The following SP140L variants were observed in gnomAD, a reference collection of about 807,000 sequenced individuals.
The protein encoded by SP140L is nuclear body protein SP140-like protein.
SP140L carries 64 observed loss-of-function variants against 84.3 expected under a neutral mutation model. The observed-to-expected ratio is 0.76, with a 90% CI of 0.62 to 0.94. The LOEUF is 0.94. Ranked by LOEUF, SP140L falls within the 40% of genes least tolerant of loss-of-function variation. The pLI is 0.00. For missense variants in SP140L, 628 were observed against 692.5 expected (o/e 0.91, Z 1.05); for synonymous variants, 242 against 236.9 (o/e 1.02, Z -0.20).
At chr2:230,329,381 T>C (rs1324063637) in intron 2 of SP140L, among the ~76,000 whole-genome samples, 3 of 152,260 alleles carry the variant, frequency 2.0e-5, no homozygotes, top group Admixed American at 6.5e-5. Context: ...TTCAGTTTTT[T>C]ACTTTGAGTT....
rs1258766276 is a variant in SP140L, at chr2:230,401,397, G to A, written c.1454G>A (p.Cys485Tyr). Residue 485 changes from cysteine (C) to tyrosine (Y), a missense_variant, in exon 17 of 19, where the codon TGC becomes TAC. Cys to Tyr is a radical substitution (Grantham distance 194). Coordinates refer to ENST00000415673, the MANE Select transcript of SP140L (RefSeq NM_138402.6). ...GAGTTCCTCCTCTTGAAAGTCTATT[G>A]CTGTTCTGAGAGCTCCTTTTTTGCC... ...KCEFLLLKVY[C>Y]CSESSFFAKI... The A allele has an allele frequency of 6.3e-7, 1 of 1,583,122 alleles. No individual in the cohort carries two copies. The highest frequency in any genetic ancestry group is 1.1e-5 in the South Asian group (1 of 88,566).
intron 1 of SP140L, among the ~76,000 whole-genome samples, chr2:230,328,307 A>C (rs2059635472): frequency 6.6e-6 from 1 of 152,242 alleles, no homozygotes; most frequent in Admixed American, 6.5e-5. Context: ...TCTTGTGAAG[A>C]GTCTTCGGCA....
chr2:230,400,724 C>T lies in SP140L; in HGVS notation c.1314-231C>T, dbSNP rs2062291453. ...TCAGACAGGGAAAGGATAGTCCCCACTCACGGTGACACCACCTTCCTGAGG... is the reference window on the plus strand; with the variant it reads ...TCAGACAGGGAAAGGATAGTCCCCATTCACGGTGACACCACCTTCCTGAGG... On this transcript the variant is annotated intron_variant, in intron 15 of 18. Transcript: ENST00000415673. The T allele has an allele frequency of 5.2e-6, 5 of 957,692 alleles. No homozygotes were observed. In the South Asian group the frequency reaches 6.7e-5, roughly 13 times the overall value. 59.3% of individuals were successfully genotyped at this position (957,692 alleles called of 1,614,324 possible).
intron 5 of SP140L, among the ~76,000 whole-genome samples, chr2:230,364,480 T>C (rs955063830): frequency 2.0e-5 from 3 of 152,148 alleles, no homozygotes; most frequent in African/African-American, 7.2e-5. Context: ...CAACAGATTT[T>C]TTATGTTGAT....
At chr2:230,399,869 C>G in intron 14 of SP140L, 1 of 336,794 alleles carries the variant, frequency 3.0e-6, no homozygotes, top group East Asian at 4.9e-5. Context: ...TGCTTTGTTG[C>G]TAGGCTTTCT....
chr2:230,371,006 T>C, intron 6 of SP140L, 39 bp downstream of exon 6: 1 of 1,584,862 alleles, frequency 6.3e-7, no homozygotes, highest in Non-Finnish European at 8.7e-7. Flanking sequence ...GGTGGCTCAG[T>C]GGGCCCCACA....
chr2:230,343,310 AC>A (rs2060115469), intron 2 of SP140L, among the ~76,000 whole-genome samples: 1 of 147,516 alleles, frequency 6.8e-6, no homozygotes, highest in Non-Finnish European at 1.5e-5. Flanking sequence ...TTCCGCTCCC[AC>A]TTATAAGTTA....
intron 6 of SP140L, among the ~76,000 whole-genome samples, 164 bp downstream of exon 6, chr2:230,371,131 T>C (rs187570328): frequency 7.2e-5 from 11 of 152,332 alleles, no homozygotes; most frequent in Non-Finnish European, 1.5e-4. Flanking sequence ...TTATAAAGTT[T>C]TACTTATCAA....
intron 2 of SP140L, among the ~76,000 whole-genome samples, chr2:230,352,060 A>G (rs1308086745): frequency 3.9e-5 from 6 of 152,166 alleles, no homozygotes; most frequent in East Asian, 1.9e-4. Flanking sequence ...AGCATTTTAT[A>G]TATCTCCATT....
At chr2:230,347,356 C>G (rs924921088) in intron 2 of SP140L, among the ~76,000 whole-genome samples, 2 of 152,034 alleles carry the variant, frequency 1.3e-5, no homozygotes, top group Admixed American at 1.3e-4. Flanking sequence ...GGGTTCTCTT[C>G]CAGAGTAGAA....
chr2:230,400,080 C>T, intron 14 of SP140L, 47 bp from the exon 15 acceptor site: 1 of 1,607,930 alleles, frequency 6.2e-7, no homozygotes, highest in African/African-American at 1.3e-5. Flanking sequence ...GGTGGCCTTC[C>T]TGAATCTTGT....
chr2:230,327,196 C>A lies in SP140L; in HGVS notation c.-74C>A. ...CCTGCTCCGGGTCAGGGCAGCCACACTGCACGCAGGCTGGGCCGACTGGGG... is the reference window on the plus strand; with the variant it reads ...CCTGCTCCGGGTCAGGGCAGCCACAATGCACGCAGGCTGGGCCGACTGGGG... On this transcript the variant is annotated 5_prime_UTR_variant, in exon 1 of 19. The change creates a new upstream start codon in the 5' untranslated region. Coordinates refer to ENST00000415673, the MANE Select transcript of SP140L (RefSeq NM_138402.6). The A allele has an allele frequency of 6.5e-7, 1 of 1,527,944 alleles. No homozygotes were observed. The highest frequency in any genetic ancestry group is 8.9e-7 in the Non-Finnish European group (1 of 1,122,196). 94.6% of individuals were successfully genotyped at this position (1,527,944 alleles called of 1,614,324 possible).
intron 18 of SP140L, among the ~76,000 whole-genome samples, chr2:230,402,174 A>T (rs911600603): frequency 2.0e-5 from 3 of 152,190 alleles, no homozygotes; most frequent in Admixed American, 6.5e-5. Flanking sequence ...CAAACTCCAG[A>T]TTCTTTGCAT....
Position 230,333,768 on chromosome 2 carries a change from T to C in SP140L, c.107+4937T>C, listed in dbSNP as rs1485723560. The stretch of plus-strand genomic sequence containing the variant: ...TCTAGAGATTTTTTGTTTTTTTTTC[T>C]TGACAATCTTGTATGTCTTCTTCTT... On this transcript the variant is annotated intron_variant, in intron 2 of 18. Coordinates refer to ENST00000415673, the MANE Select transcript of SP140L (RefSeq NM_138402.6). Among the ~76,000 whole-genome samples the C allele has an allele frequency of 2.6e-5, 4 of 152,238 alleles. No individual in the cohort carries two copies. The East Asian group carries it at 7.7e-4, about 29-fold the overall frequency.
At chr2:230,352,771 G>T (rs1054459654) in intron 2 of SP140L, among the ~76,000 whole-genome samples, 1 of 151,272 alleles carries the variant, frequency 6.6e-6, no homozygotes, top group Non-Finnish European at 1.5e-5. Context: ...ATAGCCTATC[G>T]CATTAGCTAA....
rs1434527614 is a variant in SP140L, at chr2:230,402,827, A to G, written c.1674A>G (p.Arg558=). 6.2e-7 allele frequency: 1 copy of G among 1,612,676 alleles called. No homozygotes were observed. Among genetic ancestry groups the G allele is most frequent in the South Asian group, 1.1e-5 (1 of 90,610 alleles). ...KYKDFGQMGL[R]LEAEFEKDFK... The stretch of plus-strand genomic sequence containing the variant: ...AGGATTTTGGCCAAATGGGACTTAG[A>G]CTGGAGGCTGAATTTGAGAAGGATT... Residue 558 remains arginine (R), a synonymous_variant, in exon 19 of 19, where the codon AGA becomes AGG. Coordinates refer to ENST00000415673, the MANE Select transcript of SP140L (RefSeq NM_138402.6).
intron 8 of SP140L, 84 bp from the exon 9 acceptor site, chr2:230,385,140 G>T (rs531034576): frequency 3.5e-5 from 47 of 1,359,920 alleles, no homozygotes; most frequent in Non-Finnish European, 4.8e-5. Context: ...TGAAACCCAG[G>T]ACTCCCTCAC....
At position 230,358,964 on chromosome 2, in the gene SP140L, G is replaced by C; in HGVS notation, c.271G>C (p.Asp91His). The change falls in exon 4 of 19, where the codon GAT becomes CAT. Residue 91 changes from aspartate (D) to histidine (H), a missense_variant and splice_region_variant. This residue lies in a region of SP140L where 525 missense variants were observed against 518.4 expected (regional missense o/e 1.01). Transcript: ENST00000415673. Reference protein sequence around the residue: ...RELITNKMFEDSEDSCRNLVP... With the variant: ...RELITNKMFEHSEDSCRNLVP... ...TTTTCTCCATTCAATATTTTTAAAG[G>C]ATTCTGAAGATTCTTGTAGAAACCT... 1.3e-6 allele frequency: 2 copies of C among 1,567,558 alleles called. No individual in the cohort carries two copies. The highest frequency in any genetic ancestry group is 8.6e-7 in the Non-Finnish European group (1 of 1,163,338).
intron 2 of SP140L, among the ~76,000 whole-genome samples, chr2:230,344,262 A>G (rs1199205742): frequency 6.6e-6 from 1 of 152,176 alleles, no homozygotes; most frequent in African/African-American, 2.4e-5. Flanking sequence ...ACCCTTTACC[A>G]TTATGTAATG....
Sources: gnomAD v4.1 joint callset for allele counts (sites outside exome capture counted in the v4.1 genomes callset) on GRCh38, gnomAD v4.1.1 for gene constraint, gnomAD v4.1.1 regional missense constraint, MANE v1.5 for transcripts, NCBI Gene and HGNC (gene_info 2026-07-23, HGNC 2026-07-21) for gene names.